The following SEL1L2 variants were observed in gnomAD, a reference collection of about 807,000 sequenced individuals.
The protein encoded by SEL1L2 is SEL1L2 adaptor subunit of SYVN1 ubiquitin ligase, also known as protein sel-1 homolog 2.
A neutral mutation model predicts 98.8 loss-of-function variants in SEL1L2; 89 were observed. The ratio of observed to expected loss-of-function variants is 0.90; its 90% confidence interval spans 0.76 to 1.07. The LOEUF is 1.07. Ranked by LOEUF, SEL1L2 falls within the 50% of genes least tolerant of loss-of-function variation. The pLI, the probability that SEL1L2 is intolerant of heterozygous loss-of-function variation, is 0.00. For missense variants in SEL1L2, 788 were observed against 812.0 expected (o/e 0.97, Z 0.36); for synonymous variants, 262 against 278.5 (o/e 0.94, Z 0.59).
At position 13,931,625 on chromosome 20, in the gene SEL1L2, G is replaced by T. The variant is rs1461447302; in HGVS notation, c.261C>A (p.Ile87=). ...TACAATGATTCTTATTTCTCTTCAA[G>T]ATATCTTTATTTTGAATTCCTTTTA... ...IRIKGIQNKD[I]LKRNKNHLQK... Residue 87 remains isoleucine, a synonymous_variant, in exon 3 of 20, where the codon ATC becomes ATA. Coordinates refer to ENST00000284951, the MANE Select transcript of SEL1L2 (RefSeq NM_025229.2). The T allele has an allele frequency of 7.1e-6, 10 of 1,413,626 alleles. No homozygotes were observed. Among genetic ancestry groups the T allele is most frequent in the Non-Finnish European group, 8.7e-6 (9 of 1,036,312 alleles). The allele number at this position is 1,413,626 out of a possible 1,614,324, so 87.6% of individuals were successfully genotyped here.
chr20:13,978,375 C>T (rs2051645336), intron 1 of SEL1L2, among the ~76,000 whole-genome samples: 1 of 152,120 alleles, frequency 6.6e-6, no homozygotes, highest in Non-Finnish European at 1.5e-5. Context: ...AAAACCTAAA[C>T]ACAATAGAAT....
In SEL1L2 at chr20:13,876,117, T is replaced by G. The variant is rs763636456; in HGVS notation, c.1027-2A>C. The G allele has an allele frequency of 1.2e-6, 2 of 1,608,124 alleles. No individual in the cohort carries two copies. The highest frequency in any genetic ancestry group is 1.7e-6 in the Non-Finnish European group (2 of 1,174,990). Reference sequence around the variant, plus strand: ...GGCAGCATTCCCCTCTAAATACATCTAGGAAGAAAAATGAAAAGAGGATAG... The same window carrying G: ...GGCAGCATTCCCCTCTAAATACATCGAGGAAGAAAAATGAAAAGAGGATAG... On this transcript the variant is annotated splice_acceptor_variant, in intron 11 of 19. Coordinates refer to ENST00000284951, the MANE Select transcript of SEL1L2 (RefSeq NM_025229.2). LOFTEE classifies it high-confidence loss of function.
intron 1 of SEL1L2, among the ~76,000 whole-genome samples, chr20:13,983,460 G>C (rs1252296688): frequency 6.6e-6 from 1 of 152,040 alleles, no homozygotes; most frequent in Non-Finnish European, 1.5e-5. Context: ...GAGGTTAAGG[G>C]CTAATTTTAC....
At chr20:13,963,008 G>A (rs1328712034) in intron 1 of SEL1L2, among the ~76,000 whole-genome samples, 1 of 150,952 alleles carries the variant, frequency 6.6e-6, no homozygotes, top group South Asian at 2.1e-4. Context: ...CAGAGTTCCA[G>A]TGAGCCAAGA....
At chr20:13,933,200 C>A (rs951164370) in intron 2 of SEL1L2, among the ~76,000 whole-genome samples, 1 of 151,812 alleles carries the variant, frequency 6.6e-6, no homozygotes, top group Non-Finnish European at 1.5e-5. Flanking sequence ...TCCAGAGTGA[C>A]TCTCAAAAAA....
chr20:13,991,944 G>T (rs1210231826), upstream of SEL1L2, among the ~76,000 whole-genome samples: 1 of 152,066 alleles, frequency 6.6e-6, no homozygotes, highest in Non-Finnish European at 1.5e-5. Context: ...AGGGGTGGAG[G>T]TTGCAGTGAG....
chr20:13,988,927 G>A (rs1212293537), intron 1 of SEL1L2, among the ~76,000 whole-genome samples: 4 of 152,102 alleles, frequency 2.6e-5, no homozygotes, highest in African/African-American at 4.8e-5. Context: ...GCAGGAGAAC[G>A]GCTTGAACCC....
In SEL1L2 at chr20:13,887,795, C is replaced by G. The variant is rs543542333; in HGVS notation, c.719G>C (p.Ser240Thr). ...ATAATCTGCCACTTTCTTGTAATAA[C>G]TTAGGGCAACTTCACAATTCTGTAG... ...NVLQNCEVAL[S>T]YYKKVADYIA... Residue 240 changes from serine to threonine, a missense_variant, in exon 8 of 20, where the codon AGT becomes ACT. Transcript: ENST00000284951. The G allele has an allele frequency of 1.9e-6, 3 of 1,612,736 alleles. No homozygotes were observed. The highest frequency in any genetic ancestry group is 2.7e-5 in the African/African-American group (2 of 74,876).
intron 1 of SEL1L2, among the ~76,000 whole-genome samples, chr20:13,984,303 C>A (rs2052031756): frequency 6.6e-6 from 1 of 152,102 alleles, no homozygotes; most frequent in Non-Finnish European, 1.5e-5. Context: ...TGAGCCACCG[C>A]ACTCAGCCTT....
chr20:13,973,982 T>G (rs147767705), intron 1 of SEL1L2, among the ~76,000 whole-genome samples: 1 of 152,360 alleles, frequency 6.6e-6, no homozygotes, highest in East Asian at 1.9e-4. Context: ...GAAGGGGTAG[T>G]GTGCCCTTAT....
chr20:13,867,143 T>C (rs1991171408), intron 14 of SEL1L2, among the ~76,000 whole-genome samples: 2 of 152,160 alleles, frequency 1.3e-5, no homozygotes, highest in African/African-American at 4.8e-5. Flanking sequence ...CTAAAATTAA[T>C]GCAAAGGAGA....
intron 1 of SEL1L2, among the ~76,000 whole-genome samples, chr20:13,959,494 G>A (rs1214669436): frequency 6.6e-6 from 1 of 152,116 alleles, no homozygotes; most frequent in Non-Finnish European, 1.5e-5. Flanking sequence ...CAACAGAAAG[G>A]GCCCAATTCT....
chr20:13,934,367 A>G (rs1477607554), intron 2 of SEL1L2, among the ~76,000 whole-genome samples: 1 of 126,646 alleles, frequency 7.9e-6, no homozygotes, highest in African/African-American at 2.9e-5. Flanking sequence ...CCATATATAT[A>G]TATTCCATAT....
chr20:13,966,506 G>A lies in SEL1L2; in HGVS notation c.59-10375C>T, dbSNP rs2051050294. Among the ~76,000 whole-genome samples, 4 of 152,094 alleles carry A rather than the reference G, an allele frequency of 2.6e-5. No homozygotes were observed. In the South Asian group the frequency reaches 6.2e-4, roughly 24 times the overall value. On this transcript the variant is annotated intron_variant, in intron 1 of 19. Transcript: ENST00000284951. ...GCTAATTTTTCTATTTTTTAGTAGAGACGAGGTTTCACTGTGTGGGCCAGG... is the reference window on the plus strand; with the variant it reads ...GCTAATTTTTCTATTTTTTAGTAGAAACGAGGTTTCACTGTGTGGGCCAGG...
intron 1 of SEL1L2, among the ~76,000 whole-genome samples, chr20:13,965,825 C>G (rs982068958): frequency 6.6e-6 from 1 of 151,868 alleles, no homozygotes; most frequent in Admixed American, 6.6e-5. Context: ...TGGTGGCATG[C>G]GCCTGTAGTC....
rs781009631 is a variant in SEL1L2, at chr20:13,859,449, A to G, written c.1646-15T>C. 1.2e-5 allele frequency: 19 copies of G among 1,601,160 alleles called. No individual in the cohort carries two copies. The highest frequency in any genetic ancestry group is 2.2e-5 in the South Asian group (2 of 90,340). On this transcript the variant is annotated splice_polypyrimidine_tract_variant and intron_variant, in intron 17 of 19. Transcript: ENST00000284951. ...AAATGCATTGCCTGATAGAAATATTAGAGAAAAAAGAATCATAACTCAAAT... is the reference window on the plus strand; with the variant it reads ...AAATGCATTGCCTGATAGAAATATTGGAGAAAAAAGAATCATAACTCAAAT...
chr20:13,954,701 T>C (rs758756242), intron 2 of SEL1L2, among the ~76,000 whole-genome samples: 8 of 152,166 alleles, frequency 5.3e-5, no homozygotes, highest in Non-Finnish European at 1.2e-4. Flanking sequence ...TAGATGCTTA[T>C]GGGTCTGGGC....
At chr20:13,922,364 T>C (rs1342785581) in intron 3 of SEL1L2, among the ~76,000 whole-genome samples, 1 of 152,216 alleles carries the variant, frequency 6.6e-6, no homozygotes, top group Admixed American at 6.5e-5. Flanking sequence ...GTCGATTGCA[T>C]CTTTATTTGA....
chr20:13,862,127 T>C (rs906471829), intron 17 of SEL1L2, among the ~76,000 whole-genome samples: 4 of 152,234 alleles, frequency 2.6e-5, no homozygotes, highest in Non-Finnish European at 5.9e-5. Flanking sequence ...TGGTACTTGA[T>C]AAATACATAT....
Sources: allele counts gnomAD v4.1 joint callset (sites outside exome capture counted in the v4.1 genomes callset), GRCh38; gene constraint gnomAD v4.1.1; transcripts MANE v1.5; gene names NCBI Gene and HGNC (gene_info 2026-07-23, HGNC 2026-07-21).